The following CACNA2D3 variants were observed in gnomAD, a reference collection of about 807,000 sequenced individuals.
CACNA2D3 encodes the protein calcium voltage-gated channel auxiliary subunit alpha2delta 3, also known as voltage-dependent calcium channel subunit alpha-2/delta-3.
In CACNA2D3, 60 loss-of-function variants were observed where a neutral mutation model predicts 160.6. That is an observed-to-expected ratio of 0.37 (90% CI 0.30 to 0.46). CACNA2D3 has a LOEUF of 0.46. Among genes scored for constraint, CACNA2D3 ranks in the 20% least tolerant of loss-of-function variants. The pLI, the probability that CACNA2D3 is intolerant of heterozygous loss-of-function variation, is 1.00. For missense variants in CACNA2D3, 1,205 were observed against 1,365.0 expected (o/e 0.88, Z 1.85); for synonymous variants, 558 against 492.9 (o/e 1.13, Z -1.75).
chr3:54,928,566 G>A (rs1701095582), intron 27 of CACNA2D3, among the ~76,000 whole-genome samples: 1 of 152,170 alleles, frequency 6.6e-6, no homozygotes, highest in Non-Finnish European at 1.5e-5. Flanking sequence ...CATCTGTGGG[G>A]ATTAGCTGTG....
At chr3:54,394,317 C>CTTTTT (rs1699334931) in intron 4 of CACNA2D3, among the ~76,000 whole-genome samples, 10 of 102,492 alleles carry the variant, frequency 9.8e-5, no homozygotes, top group African/African-American at 2.4e-4. Context: ...GGAGAGTGAA[C>CTTTTT]ATTTTTTTTT....
At chr3:55,044,420 A>G (rs1325751528) in intron 35 of CACNA2D3, among the ~76,000 whole-genome samples, 2 of 152,164 alleles carry the variant, frequency 1.3e-5, no homozygotes, top group Non-Finnish European at 2.9e-5. Context: ...ATTTAGAAAC[A>G]TGATTGATTT....
At chr3:54,594,962 T>A (rs1240192103) in intron 9 of CACNA2D3, among the ~76,000 whole-genome samples, 1 of 152,222 alleles carries the variant, frequency 6.6e-6, no homozygotes, top group Non-Finnish European at 1.5e-5. Flanking sequence ...TATCCTATTA[T>A]CTTCACTATC....
chr3:54,867,774 C>T (rs1337571914), intron 17 of CACNA2D3, among the ~76,000 whole-genome samples: 2 of 152,212 alleles, frequency 1.3e-5, no homozygotes, highest in Non-Finnish European at 2.9e-5. Context: ...TTAGCAACTC[C>T]TCTTTTCCTG....
intron 27 of CACNA2D3, among the ~76,000 whole-genome samples, chr3:54,911,351 C>CCTTTTTTTT (rs764342587): frequency 1.5e-4 from 9 of 58,582 alleles, no homozygotes; most frequent in African/African-American, 7.1e-4. Context: ...TCTTTGTCGT[C>CCTTTTTTTT]TTTTTTTTTT....
chr3:54,505,594 T>G (rs1385012096), intron 5 of CACNA2D3, among the ~76,000 whole-genome samples: 1 of 152,212 alleles, frequency 6.6e-6, no homozygotes, highest in Non-Finnish European at 1.5e-5. Flanking sequence ...TAAATGAAAC[T>G]GCCCCTTTTT....
chr3:54,938,513 C>T (rs1013478604), intron 27 of CACNA2D3, among the ~76,000 whole-genome samples: 2 of 152,140 alleles, frequency 1.3e-5, no homozygotes, highest in Non-Finnish European at 2.9e-5. Context: ...GCAAGTTTGA[C>T]TAGCCCAAAT....
At chr3:55,032,234 CA>C (rs1325213850) in intron 35 of CACNA2D3, among the ~76,000 whole-genome samples, 54 of 152,312 alleles carry the variant, frequency 3.5e-4, no homozygotes, top group African/African-American at 1.2e-3. Context: ...TGAAAGCTGA[CA>C]GAGAATTCCT....
At chr3:54,928,788 C>G (rs1701103660) in intron 27 of CACNA2D3, among the ~76,000 whole-genome samples, 1 of 151,996 alleles carries the variant, frequency 6.6e-6, no homozygotes, top group Admixed American at 6.6e-5. Context: ...CTTCGTTTCC[C>G]TGATGCTGAG....
chr3:54,701,810 A>G (rs1700772002), intron 11 of CACNA2D3, among the ~76,000 whole-genome samples: 1 of 152,206 alleles, frequency 6.6e-6, no homozygotes, highest in South Asian at 2.1e-4. Flanking sequence ...CCGAAAGAAT[A>G]AAGCCCGAGA....
At position 55,061,615 on chromosome 3, in the gene CACNA2D3, C is replaced by T. The variant is rs192991639; in HGVS notation, c.2988-11830C>T. ...AGGTTAAGACCAAGATCCAGGTTTT[C>T]TCTATGCATTTCCCAGCAGGCATTT... On this transcript the variant is annotated intron_variant, in intron 35 of 37. Transcript: ENST00000474759. Among the ~76,000 whole-genome samples the T allele has an allele frequency of 2.2e-3, 334 of 152,338 alleles. 1 individual carries two copies. Among genetic ancestry groups the T allele is most frequent in the Non-Finnish European group, 3.7e-3 (249 of 68,018 alleles).
chr3:54,727,344 T>C (rs1329130585), intron 11 of CACNA2D3, among the ~76,000 whole-genome samples: 2 of 152,200 alleles, frequency 1.3e-5, no homozygotes, highest in Non-Finnish European at 2.9e-5. Flanking sequence ...TGGAAGACAG[T>C]GTGGCAATTC....
At chr3:54,410,156 C>T (rs1401346437) in intron 4 of CACNA2D3, among the ~76,000 whole-genome samples, 1 of 152,058 alleles carries the variant, frequency 6.6e-6, no homozygotes, top group Non-Finnish European at 1.5e-5. Context: ...TGAGACCAGC[C>T]TGGCCAACAT....
At chr3:54,613,968 C>T (rs1183236844) in intron 9 of CACNA2D3, among the ~76,000 whole-genome samples, 1 of 152,214 alleles carries the variant, frequency 6.6e-6, no homozygotes, top group Non-Finnish European at 1.5e-5. Flanking sequence ...GTACTTGCTA[C>T]TCCTGCATGT....
intron 4 of CACNA2D3, among the ~76,000 whole-genome samples, chr3:54,405,187 A>G (rs1699552034): frequency 6.6e-6 from 1 of 151,536 alleles, no homozygotes; most frequent in African/African-American, 2.4e-5. Flanking sequence ...CAAAATCCCA[A>G]TGGCATTCTT....
intron 4 of CACNA2D3, among the ~76,000 whole-genome samples, chr3:54,424,884 G>A (rs541282944): frequency 6.6e-6 from 1 of 152,006 alleles, no homozygotes; most frequent in Non-Finnish European, 1.5e-5. Context: ...AAATCTTTCC[G>A]ATTACCACGT....
intron 11 of CACNA2D3, among the ~76,000 whole-genome samples, chr3:54,742,660 A>G (rs1420893305): frequency 2.0e-5 from 3 of 152,166 alleles, no homozygotes; most frequent in Non-Finnish European, 4.4e-5. Context: ...TGCTTGGAAT[A>G]GCAACCATCA....
intron 11 of CACNA2D3, among the ~76,000 whole-genome samples, chr3:54,725,975 C>A (rs1032255312): frequency 6.6e-6 from 1 of 152,110 alleles, no homozygotes; most frequent in African/African-American, 2.4e-5. Flanking sequence ...GTCAAATGGT[C>A]TCTGTTTGCA....
intron 2 of CACNA2D3, among the ~76,000 whole-genome samples, chr3:54,275,713 G>A (rs920830679): frequency 2.0e-5 from 3 of 152,262 alleles, no homozygotes; most frequent in Admixed American, 2.0e-4. Flanking sequence ...CGCCTTCTGG[G>A]TTCAAGCAGT....
Sources: gnomAD v4.1 joint callset for allele counts (sites outside exome capture counted in the v4.1 genomes callset) on GRCh38, gnomAD v4.1.1 for gene constraint, MANE v1.5 for transcripts, NCBI Gene and HGNC (gene_info 2026-07-23, HGNC 2026-07-21) for gene names.